USP7: variants seen among roughly 807,000 people sequenced by gnomAD.
The protein encoded by USP7 is ubiquitin C-terminal hydrolase 7.
Under a neutral mutation model 162.9 loss-of-function variants are expected in USP7, and 9 were observed. That is an observed-to-expected ratio of 0.06 (90% CI 0.03 to 0.10). The LOEUF (loss-of-function observed/expected upper bound fraction) is 0.10. USP7 is among the 10% of genes least tolerant of loss of function. The pLI is 1.00. For missense variants in USP7, 715 were observed against 1,373.7 expected (o/e 0.52, Z 7.58); for synonymous variants, 562 against 475.9 (o/e 1.18, Z -2.35).
At chr16:8,935,289 G>T (rs1419344229) in intron 1 of USP7, among the ~76,000 whole-genome samples, 1 of 151,160 alleles carries the variant, frequency 6.6e-6, no homozygotes, top group Non-Finnish European at 1.5e-5. Context: ...GAAACTCCTG[G>T]GTTAGAGCCT....
At chr16:8,897,550 G>C (rs1012406031) in intron 25 of USP7, among the ~76,000 whole-genome samples, 3 of 151,214 alleles carry the variant, frequency 2.0e-5, no homozygotes, top group African/African-American at 7.3e-5. Context: ...GAAAGGGTGA[G>C]AGATCTAGCA....
chr16:8,924,578 G>C lies in USP7; in HGVS notation c.185-1165C>G, dbSNP rs546888726. Among the ~76,000 whole-genome samples the C allele has an allele frequency of 9.2e-5, 14 of 152,338 alleles. No individual in the cohort carries two copies. The South Asian group carries it at 2.9e-3, about 32-fold the overall frequency. On this transcript the variant is annotated intron_variant, in intron 2 of 30. Coordinates refer to ENST00000344836, the MANE Select transcript of USP7 (RefSeq NM_003470.3). ...GTAGGCTTGGGTAAAGAGTGCCTAAGAACATCCTCCCATCCTTCATCTTCA... is the reference window on the plus strand; with the variant it reads ...GTAGGCTTGGGTAAAGAGTGCCTAACAACATCCTCCCATCCTTCATCTTCA...
At chr16:8,908,881 C>A (rs988782455) in intron 11 of USP7, among the ~76,000 whole-genome samples, 2 of 152,208 alleles carry the variant, frequency 1.3e-5, no homozygotes, top group African/African-American at 4.8e-5. Flanking sequence ...ATGAAATGCC[C>A]AAACAGAACA....
rs1596359162 is a variant in USP7 at position 8,904,462 on chromosome 16, C to T, written c.1677G>A (p.Gln559=). 1.9e-6 allele frequency: 3 copies of T among 1,614,132 alleles called. No individual in the cohort carries two copies. The highest frequency in any genetic ancestry group is 2.5e-6 in the Non-Finnish European group (3 of 1,180,034). ...GCACTTGCATATAGAGATGGGCTTC[C>T]TGCCGCTCCTTCCGCTTCTGAGCCT... is the stretch of plus-strand genomic sequence containing the variant. ...RIEAQKRKER[Q]EAHLYMQVQI... Residue 559 remains glutamine (Q), a synonymous_variant, in exon 15 of 31, where the codon CAG becomes CAA. Coordinates refer to ENST00000344836, the MANE Select transcript of USP7 (RefSeq NM_003470.3).
chr16:8,914,243 C>A (rs1398570590), intron 10 of USP7, among the ~76,000 whole-genome samples: 2 of 152,032 alleles, frequency 1.3e-5, no homozygotes, highest in African/African-American at 4.8e-5. Context: ...TAGCACTATA[C>A]TCCCACCAAA....
At chr16:8,904,360 C>T in intron 15 of USP7, 75 bp downstream of exon 15, 1 of 1,576,730 alleles carries the variant, frequency 6.3e-7, no homozygotes. Context: ...GGGGTGGGGG[C>T]TGACCTGCAC....
intron 1 of USP7, among the ~76,000 whole-genome samples, chr16:8,936,084 G>T (rs918424233): frequency 1.3e-5 from 2 of 152,146 alleles, no homozygotes; most frequent in African/African-American, 4.8e-5. Flanking sequence ...ATACAACCCT[G>T]GTGTGTTGAA....
chr16:8,950,000 C>T (rs1179547451), intron 1 of USP7, among the ~76,000 whole-genome samples: 3 of 152,232 alleles, frequency 2.0e-5, no homozygotes. Flanking sequence ...AGTGCTGTCC[C>T]ACCAACCATA....
At chr16:8,916,327 T>C (rs1263004382) in intron 8 of USP7, among the ~76,000 whole-genome samples, 175 bp downstream of exon 8, 2 of 152,220 alleles carry the variant, frequency 1.3e-5, no homozygotes, top group African/African-American at 2.4e-5. Context: ...CCTATTCAAG[T>C]AATTCTTACC....
intron 1 of USP7, among the ~76,000 whole-genome samples, chr16:8,940,394 G>A (rs1898982523): frequency 6.6e-6 from 1 of 152,230 alleles, no homozygotes; most frequent in Non-Finnish European, 1.5e-5. Flanking sequence ...GTGCTCAGGA[G>A]AACTCTTCGG....
chr16:8,945,645 A>G (rs1899243607), intron 1 of USP7, among the ~76,000 whole-genome samples: 1 of 152,220 alleles, frequency 6.6e-6, no homozygotes, highest in East Asian at 1.9e-4. Flanking sequence ...AAATTAATCC[A>G]TACATTTAAA....
chr16:8,933,669 T>G (rs541428898), intron 1 of USP7, among the ~76,000 whole-genome samples: 5 of 152,126 alleles, frequency 3.3e-5, no homozygotes, highest in Admixed American at 3.3e-4. Flanking sequence ...CCCAGGTTGG[T>G]CTTGAACTGG....
chr16:8,932,599 T>A (rs982985358), intron 1 of USP7, among the ~76,000 whole-genome samples: 2 of 133,316 alleles, frequency 1.5e-5, no homozygotes, highest in African/African-American at 5.0e-5. Context: ...CCAAATCAAA[T>A]ATACATGCTA....
intron 10 of USP7, among the ~76,000 whole-genome samples, chr16:8,911,591 G>A (rs994539998): frequency 6.6e-6 from 1 of 152,214 alleles, no homozygotes; most frequent in Non-Finnish European, 1.5e-5. Flanking sequence ...TCCCTGAAGG[G>A]ACAAATGAGA....
Position 8,930,352 on chromosome 16 carries a change from A to G in USP7, c.125T>C (p.Ile42Thr). Reference sequence around the variant, plus strand: ...ATCACTCAGGGCCACATTCCCATTGATCACAGGGTTCTGAGTAATTCTTGG... The same window carrying G: ...ATCACTCAGGGCCACATTCCCATTGGTCACAGGGTTCTGAGTAATTCTTGG... ...DPPRITQNPV[I>T]NGNVALSDGH... Residue 42 changes from isoleucine (I) to threonine (T), a missense_variant, in exon 2 of 31, where the codon ATC (isoleucine) becomes ACC (threonine). Ile to Thr is a moderately conservative substitution (Grantham distance 89, BLOSUM62 -1). Around this residue, in one of 11 missense-constraint regions of USP7, gnomAD observed 137 missense variants for 123.5 expected, o/e 1.11. Coordinates refer to ENST00000344836, the MANE Select transcript of USP7 (RefSeq NM_003470.3). 1 of 1,613,354 alleles carries G rather than the reference A, an allele frequency of 6.2e-7. No homozygotes were observed. The highest frequency in any genetic ancestry group is 8.5e-7 in the Non-Finnish European group (1 of 1,179,720).
intron 10 of USP7, 26 bp downstream of exon 10, chr16:8,915,228 T>C (rs780725184): frequency 6.5e-7 from 1 of 1,538,788 alleles, no homozygotes; most frequent in Non-Finnish European, 8.8e-7. Context: ...CAAAAGATCA[T>C]GCCATTAGAT....
At chr16:8,918,926 G>T in intron 6 of USP7, 105 bp downstream of exon 6, 1 of 1,118,314 alleles carries the variant, frequency 8.9e-7, no homozygotes, top group Non-Finnish European at 1.3e-6. Flanking sequence ...GAGGAGACAG[G>T]GCCAGGGGAG....
In USP7 at chr16:8,921,768, G is replaced by A. The variant is rs560585045; in HGVS notation, c.384-473C>T. ...CCGGCATCGACGAATTCACGATGAG[G>A]CACAAAATTACAACCACAAGAGAAC... On this transcript the variant is annotated intron_variant, in intron 3 of 30. Coordinates refer to ENST00000344836, the MANE Select transcript of USP7 (RefSeq NM_003470.3). 1.2e-4 allele frequency among the ~76,000 whole-genome samples: 18 copies of A among 152,298 alleles called. No individual in the cohort carries two copies. In the South Asian group the frequency reaches 3.7e-3, roughly 32 times the overall value.
intron 1 of USP7, among the ~76,000 whole-genome samples, chr16:8,943,467 T>TA (rs1899138240): frequency 6.6e-6 from 1 of 151,866 alleles, no homozygotes; most frequent in Non-Finnish European, 1.5e-5. Context: ...GGGATGCCCC[T>TA]ACCTGGATGG....
Sources: allele counts gnomAD v4.1 joint callset (sites outside exome capture counted in the v4.1 genomes callset), GRCh38; gene constraint gnomAD v4.1.1; regional missense constraint gnomAD v4.1.1; transcripts MANE v1.5; gene names NCBI Gene and HGNC (gene_info 2026-07-23, HGNC 2026-07-21).